Variants in C12orf56 observed in about 807,000 individuals in gnomAD.
C12orf56 encodes the protein chromosome 12 open reading frame 56, also known as uncharacterized protein C12orf56.
In C12orf56, 71 loss-of-function variants were observed where a neutral mutation model predicts 69.9. That is an observed-to-expected ratio of 1.02 (90% confidence interval 0.84 to 1.24). The LOEUF is 1.24. Among genes scored for constraint, C12orf56 ranks in the 50% most tolerant of loss-of-function variants. The pLI is 0.00. For synonymous variants in C12orf56, 276 were observed against 274.1 expected (o/e 1.01, Z -0.07); for missense variants, 732 against 738.5 (o/e 0.99, Z 0.10).
intron 1 of C12orf56, among the ~76,000 whole-genome samples, chr12:64,380,037 G>A (rs368073772): frequency 1.4e-5 from 2 of 141,810 alleles, no homozygotes; most frequent in African/African-American, 5.2e-5. Flanking sequence ...CCCGGGAGGC[G>A]GAGCTTGCAG....
intron 6 of C12orf56, among the ~76,000 whole-genome samples, chr12:64,293,685 A>T (rs2038327033): frequency 6.6e-6 from 1 of 152,226 alleles, no homozygotes; most frequent in Non-Finnish European, 1.5e-5. Context: ...ATTTTCACTT[A>T]TAAAATATCA....
chr12:64,383,566 G>A lies in C12orf56; in HGVS notation c.252+6748C>T, dbSNP rs529519578. Among the ~76,000 whole-genome samples the A allele has an allele frequency of 3.3e-5, 5 of 151,962 alleles. No homozygotes were observed. In the East Asian group the frequency reaches 7.8e-4, roughly 24 times the overall value. ...TAATTTTTGTATTTGTCATAGAAAC[G>A]GGGTTTCACCATGTTGGCCAGGCTG... On this transcript the variant is annotated intron_variant, in intron 1 of 12. Coordinates refer to ENST00000543942, the MANE Select transcript of C12orf56 (RefSeq NM_001170633.2).
intron 1 of C12orf56, among the ~76,000 whole-genome samples, chr12:64,382,073 C>A (rs1166271250): frequency 6.6e-6 from 1 of 151,828 alleles, no homozygotes; most frequent in Non-Finnish European, 1.5e-5. Flanking sequence ...ACCAGCCTGG[C>A]CAACATGGTG....
intron 8 of C12orf56, among the ~76,000 whole-genome samples, chr12:64,279,278 A>G (rs924289215): frequency 2.3e-4 from 35 of 152,064 alleles, no homozygotes; most frequent in Non-Finnish European, 1.5e-4. Flanking sequence ...TTACTTTCCA[A>G]TGTGGGGTAC....
At chr12:64,385,718 C>T (rs2039779607) in intron 1 of C12orf56, among the ~76,000 whole-genome samples, 1 of 152,074 alleles carries the variant, frequency 6.6e-6, no homozygotes, top group South Asian at 2.1e-4. Flanking sequence ...TCCCTGGCTT[C>T]CCCCCACCTA....
chr12:64,380,971 T>G (rs1245140086), intron 1 of C12orf56, among the ~76,000 whole-genome samples: 1 of 152,224 alleles, frequency 6.6e-6, no homozygotes, highest in East Asian at 1.9e-4. Context: ...CAGGTTCATG[T>G]TGCCTGCTGC....
chr12:64,273,021 G>C (rs2038009098), intron 11 of C12orf56, among the ~76,000 whole-genome samples: 1 of 152,170 alleles, frequency 6.6e-6, no homozygotes, highest in Non-Finnish European at 1.5e-5. Context: ...GAACAGGCCG[G>C]GCACAGTGGC....
chr12:64,283,908 ATTT>A (rs35345999), intron 8 of C12orf56, among the ~76,000 whole-genome samples: 2 of 133,134 alleles, frequency 1.5e-5, no homozygotes. Context: ...TAGAGTATCT[ATTT>A]TTTTTTTTTT....
At chr12:64,382,670 C>T (rs772256722) in intron 1 of C12orf56, among the ~76,000 whole-genome samples, 28 of 151,150 alleles carry the variant, frequency 1.9e-4, no homozygotes, top group African/African-American at 2.9e-4. Flanking sequence ...GTCAGGAGAT[C>T]GAAACCATCC....
chr12:64,322,864 G>C (rs1038644216), intron 3 of C12orf56, among the ~76,000 whole-genome samples: 2 of 152,132 alleles, frequency 1.3e-5, no homozygotes, highest in Non-Finnish European at 2.9e-5. Flanking sequence ...AGTAGACCCA[G>C]CTCCCTCTTC....
chr12:64,305,359 C>T lies in C12orf56; in HGVS notation c.969-1580G>A, dbSNP rs145688010. Among the ~76,000 whole-genome samples the T allele has an allele frequency of 5.4e-3, 819 of 152,108 alleles. 7 individuals carry two copies. The highest frequency in any genetic ancestry group is 0.015 in the Admixed American group (223 of 15,268). Reference sequence around the variant, plus strand: ...AAATAGGAATAATGATAGTACCTATCCAAATGTGCTGGGTTTTTTGTTTGT... The same window carrying T: ...AAATAGGAATAATGATAGTACCTATTCAAATGTGCTGGGTTTTTTGTTTGT... On this transcript the variant is annotated intron_variant, in intron 5 of 12. Transcript: ENST00000543942.
chr12:64,388,863 T>C (rs1166051051), intron 1 of C12orf56, among the ~76,000 whole-genome samples: 2 of 152,182 alleles, frequency 1.3e-5, no homozygotes, highest in South Asian at 2.1e-4. Flanking sequence ...TCCAAAAAAA[T>C]TGTTTTAGTT....
In C12orf56 at chr12:64,357,759, G is replaced by A. The variant is rs571341387; in HGVS notation, c.253-4703C>T. 5.7e-4 allele frequency among the ~76,000 whole-genome samples: 87 copies of A among 152,100 alleles called. 3 individuals carry two copies. In the South Asian group the frequency reaches 0.017, roughly 30 times the overall value. ...CTACTAAAAATGCAAACATTAGCGAGGCTTAGTGGCAAGTGCCTGTAATCC... is the reference window on the plus strand; with the variant it reads ...CTACTAAAAATGCAAACATTAGCGAAGCTTAGTGGCAAGTGCCTGTAATCC... On this transcript the variant is annotated intron_variant, in intron 1 of 12. Coordinates refer to ENST00000543942, the MANE Select transcript of C12orf56 (RefSeq NM_001170633.2).
chr12:64,332,494 C>G (rs1359201084), intron 2 of C12orf56, among the ~76,000 whole-genome samples: 1 of 152,136 alleles, frequency 6.6e-6, no homozygotes, highest in Admixed American at 6.5e-5. Flanking sequence ...TTTCTTCTGT[C>G]TCACTTCCTC....
intron 2 of C12orf56, among the ~76,000 whole-genome samples, chr12:64,340,042 T>C (rs2136882324): frequency 6.6e-6 from 1 of 152,096 alleles, no homozygotes; most frequent in African/African-American, 2.4e-5. Flanking sequence ...TTATTAAGTA[T>C]TAACTCACAT....
At position 64,267,244 on chromosome 12, in the gene C12orf56, C is replaced by T; in HGVS notation, c.1808G>A (p.Cys603Tyr). The change falls in exon 13 of 13, where the codon TGT (cysteine) becomes TAT (tyrosine). Residue 603 changes from cysteine to tyrosine, a missense_variant. Transcript: ENST00000543942. ...MPALQKRLPLCYPITQPTIQL... is the reference protein window; with the variant it reads ...MPALQKRLPLYYPITQPTIQL... ...AATGGTAGGTTGAGTGATGGGGTAA[C>T]ACAATGGGAGCCTTTTCTGCAAGGC... 6.2e-7 allele frequency: 1 copy of T among 1,612,506 alleles called. No homozygotes were observed.
chr12:64,270,863 G>T, intron 11 of C12orf56, 149 bp from the exon 12 acceptor site: 1 of 684,146 alleles, frequency 1.5e-6, no homozygotes, highest in Non-Finnish European at 2.3e-6. Flanking sequence ...GGTATCCAAT[G>T]TCAAATAAAA....
At chr12:64,289,255 A>G (rs12370227) in intron 6 of C12orf56, among the ~76,000 whole-genome samples, 11,456 of 65,324 alleles carry the variant, frequency 0.18, 448 homozygotes, top group Middle Eastern at 0.33. Flanking sequence ...TTTGGGCTGA[A>G]ACAATGGGGT....
intron 1 of C12orf56, among the ~76,000 whole-genome samples, chr12:64,385,815 C>T (rs2039781160): frequency 6.6e-6 from 1 of 152,142 alleles, no homozygotes. Flanking sequence ...GCACAGCCTG[C>T]TCTGCATAAA....
Sources: allele counts gnomAD v4.1 joint callset (sites outside exome capture counted in the v4.1 genomes callset), GRCh38; gene constraint gnomAD v4.1.1; transcripts MANE v1.5; gene names NCBI Gene and HGNC (gene_info 2026-07-23, HGNC 2026-07-21).